The following CACNA2D2 variants were observed in gnomAD, a reference collection of about 807,000 sequenced individuals.
CACNA2D2 encodes the protein calcium voltage-gated channel auxiliary subunit alpha2delta 2, also known as voltage-dependent calcium channel subunit alpha-2/delta-2.
A neutral mutation model predicts 166.4 loss-of-function variants in CACNA2D2; 48 were observed. The observed-to-expected ratio is 0.29, with a 90% confidence interval of 0.23 to 0.37. The LOEUF is 0.37. Ranked by LOEUF, CACNA2D2 falls within the 10% of genes least tolerant of loss-of-function variation. The pLI is 1.00. For synonymous variants in CACNA2D2, 561 were observed against 573.7 expected, an observed-to-expected ratio of 0.98 and a Z score of 0.32; for missense variants, 1,122 against 1,433.0, an observed-to-expected ratio of 0.78 and a Z score of 3.50.
intron 1 of CACNA2D2, among the ~76,000 whole-genome samples, chr3:50,483,244 G>A (rs1374046507): frequency 3.9e-5 from 6 of 152,154 alleles, no homozygotes; most frequent in African/African-American, 9.7e-5. Flanking sequence ...CAGGAGCACC[G>A]TCCCCATCTC....
At chr3:50,416,720 C>G (rs1028639002) in intron 3 of CACNA2D2, among the ~76,000 whole-genome samples, 45 of 152,172 alleles carry the variant, frequency 3.0e-4, no homozygotes, top group Non-Finnish European at 5.6e-4. Context: ...TGGTCTCGGG[C>G]AAGTCTCTTT....
chr3:50,475,916 A>T (rs1188502800), intron 2 of CACNA2D2, among the ~76,000 whole-genome samples: 1 of 152,142 alleles, frequency 6.6e-6, no homozygotes, highest in Admixed American at 6.5e-5. Context: ...GGTGGCTCCG[A>T]TCGTTGCCTC....
In CACNA2D2 at chr3:50,453,698, G is replaced by A. The variant is rs1709211075; in HGVS notation, c.289-19269C>T. Among the ~76,000 whole-genome samples, 6 of 152,316 alleles carry A rather than the reference G, an allele frequency of 3.9e-5. No homozygotes were observed. The South Asian group carries it at 1.2e-3, about 32-fold the overall frequency. ...CCTGACCACCATCCTCACGACTTCT[G>A]GCAAAGGAAGAGAGAGGGGCAGGTG... On this transcript the variant is annotated intron_variant, in intron 2 of 37. Coordinates refer to ENST00000424201, the MANE Select transcript of CACNA2D2 (RefSeq NM_006030.4).
chr3:50,379,602 G>A lies in CACNA2D2; in HGVS notation c.994-12C>T. On this transcript the variant is annotated splice_polypyrimidine_tract_variant and intron_variant, in intron 10 of 37. Transcript: ENST00000424201. The surrounding 1 kb of genome is among the most constrained non-coding windows in gnomAD (Gnocchi z 6.5). ...GCCTTCTCGTTGAACTGCAGGAACA[G>A]TAGGGTGGTGAGTGGCCTCAGGCTG... 6.2e-7 allele frequency: 1 copy of A among 1,613,676 alleles called. No homozygotes were observed. The highest frequency in any genetic ancestry group is 2.2e-5 in the East Asian group (1 of 44,884).
At chr3:50,372,757 A>G (rs897282885) in intron 22 of CACNA2D2, among the ~76,000 whole-genome samples, 17 of 152,208 alleles carry the variant, frequency 1.1e-4, no homozygotes, top group African/African-American at 3.6e-4. Context: ...GAGTTGTCTT[A>G]GAGGGACAGA....
chr3:50,494,736 A>C (rs2107171962), intron 1 of CACNA2D2, among the ~76,000 whole-genome samples: 1 of 152,268 alleles, frequency 6.6e-6, no homozygotes, highest in Admixed American at 6.5e-5. Context: ...GTCCAATGGC[A>C]CCATCACAGC....
intron 1 of CACNA2D2, among the ~76,000 whole-genome samples, chr3:50,477,709 AAC>A (rs1030084263): frequency 6.6e-6 from 1 of 152,210 alleles, no homozygotes; most frequent in Non-Finnish European, 1.5e-5. Context: ...CCATGGGTCA[AAC>A]ACAGCCCACA....
intron 2 of CACNA2D2, among the ~76,000 whole-genome samples, chr3:50,470,877 G>A (rs568006837): frequency 3.5e-4 from 53 of 152,226 alleles, no homozygotes; most frequent in Non-Finnish European, 6.5e-4. Context: ...GCCTCACCAC[G>A]TCTCAGACGC....
Position 50,375,829 on chromosome 3 carries a change from A to C in CACNA2D2, c.1825T>G (p.Leu609Val). ...CTTACCTCATCCAGGGACTTGACCAACGTTCTGATCTGCTTGTGGCCCTTG... is the reference window on the plus strand; with the variant it reads ...CTTACCTCATCCAGGGACTTGACCACCGTTCTGATCTGCTTGTGGCCCTTG... ...GNKGHKQIRT[L>V]VKSLDERYID... Residue 609 changes from leucine (L) to valine (V), a missense_variant, in exon 20 of 38, where the codon TTG becomes GTG. Physicochemically the swap from Leu to Val is conservative, Grantham distance 32 (BLOSUM62 1). Transcript: ENST00000424201. This position sits in a 1 kb window ranked among gnomAD's most constrained non-coding sequence, Gnocchi z 4.0. 6.2e-7 allele frequency: 1 copy of C among 1,612,984 alleles called. No individual in the cohort carries two copies. The highest frequency in any genetic ancestry group is 8.5e-7 in the Non-Finnish European group (1 of 1,179,990).
intron 3 of CACNA2D2, among the ~76,000 whole-genome samples, chr3:50,423,015 C>G (rs1453580018): frequency 6.6e-6 from 1 of 152,210 alleles, no homozygotes; most frequent in Non-Finnish European, 1.5e-5. Context: ...GCTGCTTCCC[C>G]TTTCTGGTCC....
intron 1 of CACNA2D2, among the ~76,000 whole-genome samples, chr3:50,493,813 C>T (rs762541567): frequency 2.0e-5 from 3 of 152,116 alleles, no homozygotes; most frequent in Non-Finnish European, 4.4e-5. Context: ...GGCAGGGAGC[C>T]GGAGGAGGGT....
intron 3 of CACNA2D2, among the ~76,000 whole-genome samples, chr3:50,407,011 T>C (rs1215694948): frequency 6.6e-6 from 1 of 151,884 alleles, no homozygotes; most frequent in African/African-American, 2.4e-5. Context: ...ATAATCAACC[T>C]GGATATTGGT....
chr3:50,382,508 G>A (rs2106678782), intron 6 of CACNA2D2, among the ~76,000 whole-genome samples: 1 of 152,288 alleles, frequency 6.6e-6, no homozygotes. Flanking sequence ...CCTGCCCCCT[G>A]CTCCCACTCC....
At chr3:50,370,062 G>A (rs948246405) in intron 23 of CACNA2D2, among the ~76,000 whole-genome samples, 1 of 152,254 alleles carries the variant, frequency 6.6e-6, no homozygotes, top group African/African-American at 2.4e-5. Context: ...GGAGGGCAGG[G>A]AAAGTCAGCA....
At position 50,379,472 on chromosome 3, in the gene CACNA2D2, T is replaced by C. The variant is rs1705182962; in HGVS notation, c.1112A>G (p.Tyr371Cys). 1 of 1,613,966 alleles carries C rather than the reference T, an allele frequency of 6.2e-7. No individual in the cohort carries two copies. Among genetic ancestry groups the C allele is most frequent in the Non-Finnish European group, 8.5e-7 (1 of 1,180,018 alleles). The change falls in exon 11 of 38, where the codon TAC becomes TGC. Residue 371 changes from tyrosine (Y) to cysteine (C), a missense_variant. Physicochemically the swap from Tyr to Cys is radical, Grantham distance 194. Coordinates refer to ENST00000424201, the MANE Select transcript of CACNA2D2 (RefSeq NM_006030.4). This position sits in a 1 kb window ranked among gnomAD's most constrained non-coding sequence, Gnocchi z 6.5. ...QGMVAKGTTGYKAGFEYAFDQ... is the reference protein window; with the variant it reads ...QGMVAKGTTGCKAGFEYAFDQ... ...AAAGGCATACTCAAAGCCGGCCTTG[T>C]AGCCTGTGGTGCCCTTGGCCACCAT...
intron 3 of CACNA2D2, among the ~76,000 whole-genome samples, chr3:50,406,374 A>ACC (rs1294761846): frequency 6.6e-6 from 1 of 151,798 alleles, no homozygotes; most frequent in Non-Finnish European, 1.5e-5. Flanking sequence ...CAGCAAGGGC[A>ACC]AAGCCCACGA....
intron 23 of CACNA2D2, among the ~76,000 whole-genome samples, chr3:50,368,683 G>C (rs1704488790): frequency 6.6e-6 from 1 of 152,214 alleles, no homozygotes; most frequent in African/African-American, 2.4e-5. Context: ...TGTGCCGTTA[G>C]GTAACTCACT....
chr3:50,500,962 C>T (rs1401791701), intron 1 of CACNA2D2, among the ~76,000 whole-genome samples: 1 of 152,184 alleles, frequency 6.6e-6, no homozygotes, highest in Non-Finnish European at 1.5e-5. Context: ...CCCCTGTGCA[C>T]TGGCAGACAC....
intron 13 of CACNA2D2, 32 bp from the exon 14 acceptor site, chr3:50,378,365 G>A: frequency 7.7e-6 from 12 of 1,549,378 alleles, no homozygotes; most frequent in Non-Finnish European, 8.7e-6. Flanking sequence ...AGGTGGGCCT[G>A]GCTGGCACTG....
Sources: allele counts gnomAD v4.1 joint callset (sites outside exome capture counted in the v4.1 genomes callset), GRCh38; gene constraint gnomAD v4.1.1; non-coding constraint Gnocchi (gnomAD v3.1); transcripts MANE v1.5; gene names NCBI Gene and HGNC (gene_info 2026-07-23, HGNC 2026-07-21).